DAAM2: variants seen among roughly 807,000 people sequenced by gnomAD.
DAAM2 encodes the protein dishevelled associated activator of morphogenesis 2.
DAAM2 carries 39 observed loss-of-function variants against 120.7 expected under a neutral mutation model. That is an observed-to-expected ratio of 0.32 (90% CI 0.25 to 0.42). The LOEUF (loss-of-function observed/expected upper bound fraction) is 0.42. Among genes scored for constraint, DAAM2 ranks in the 10% least tolerant of loss-of-function variants. The pLI, the probability that DAAM2 is intolerant of heterozygous loss-of-function variation, is 1.00. For missense variants in DAAM2, 1,283 were observed against 1,401.7 expected, an observed-to-expected ratio of 0.92 and a Z score of 1.35; for synonymous variants, 488 against 524.9, an observed-to-expected ratio of 0.93 and a Z score of 0.96.
intron 11 of DAAM2, among the ~76,000 whole-genome samples, chr6:39,876,175 T>G (rs1157478387): frequency 1.3e-5 from 2 of 152,250 alleles, no homozygotes; most frequent in Non-Finnish European, 2.9e-5. Flanking sequence ...GAGAAACATT[T>G]AAATCTACAT....
chr6:39,850,759 G>A (rs974798926), intron 1 of DAAM2, among the ~76,000 whole-genome samples: 2 of 152,172 alleles, frequency 1.3e-5, no homozygotes, highest in Admixed American at 6.5e-5. Context: ...TTCTCAGTAG[G>A]TACCTTGGAA....
At chr6:39,891,534 A>G in intron 18 of DAAM2, 87 bp downstream of exon 18, 2 of 1,505,118 alleles carry the variant, frequency 1.3e-6, no homozygotes, top group Non-Finnish European at 1.8e-6. Context: ...AAGGGGATGG[A>G]GGTGGGCAGG....
At chr6:39,868,246 C>A in intron 6 of DAAM2, 1 of 256,694 alleles carries the variant, frequency 3.9e-6, no homozygotes, top group South Asian at 5.9e-5. Flanking sequence ...TGGGCCAGTA[C>A]CTAATGTGGG....
intron 1 of DAAM2, among the ~76,000 whole-genome samples, chr6:39,841,925 C>A (rs1396175056): frequency 6.6e-6 from 1 of 152,090 alleles, no homozygotes; most frequent in African/African-American, 2.4e-5. Context: ...ATGCAAGATG[C>A]CTTTTGTTGA....
chr6:39,813,390 T>G (rs1234936441), intron 1 of DAAM2, among the ~76,000 whole-genome samples: 2 of 152,020 alleles, frequency 1.3e-5, no homozygotes, highest in African/African-American at 4.8e-5. Context: ...GGTAAATGAA[T>G]AGGAAATCTG....
intron 3 of DAAM2, 126 bp downstream of exon 3, chr6:39,861,143 G>A (rs769098732): frequency 2.1e-4 from 160 of 749,266 alleles, no homozygotes; most frequent in Non-Finnish European, 3.3e-4. Context: ...GGTGTTGGAG[G>A]AACAACAGTG....
intron 1 of DAAM2, among the ~76,000 whole-genome samples, chr6:39,828,232 T>C (rs1475171622): frequency 6.6e-6 from 1 of 152,170 alleles, no homozygotes; most frequent in African/African-American, 2.4e-5. Flanking sequence ...CAAAACAACA[T>C]TTCTCATGGT....
chr6:39,823,701 T>C (rs547908652), intron 1 of DAAM2, among the ~76,000 whole-genome samples: 1 of 152,324 alleles, frequency 6.6e-6, no homozygotes, highest in South Asian at 2.1e-4. Flanking sequence ...TGTACAGAAC[T>C]GTGCATGTGA....
At chr6:39,889,072 G>A (rs551200445) in intron 17 of DAAM2, 175 of 207,134 alleles carry the variant, frequency 8.4e-4, no homozygotes, top group Non-Finnish European at 1.3e-3. Flanking sequence ...AACACACAAA[G>A]AAACATCATC....
At chr6:39,824,503 T>A (rs4317402) in intron 1 of DAAM2, among the ~76,000 whole-genome samples, 50,741 of 152,128 alleles carry the variant, frequency 0.33, 9,670 homozygotes, top group African/African-American at 0.53. Flanking sequence ...CAAAGCAAGA[T>A]TTTTTTCTAG....
In DAAM2 at chr6:39,794,290, G is replaced by C. The variant is rs905699636; in HGVS notation, c.-57+1825G>C. Among the ~76,000 whole-genome samples the C allele has an allele frequency of 2.6e-5, 4 of 152,226 alleles. No homozygotes were observed. The South Asian group carries it at 8.3e-4, about 32-fold the overall frequency. On this transcript the variant is annotated intron_variant, in intron 1 of 24. Transcript: ENST00000274867. ...TGGCCTTAGACATGGGAGGATAAAT[G>C]GTCTATTTCTTCATCTGTGCTGGGA...
intron 1 of DAAM2, chr6:39,848,728 G>C (rs1278143277): frequency 6.6e-6 from 1 of 152,230 alleles, no homozygotes; most frequent in African/African-American, 2.4e-5. Flanking sequence ...ATCCTGGAAA[G>C]AGCGTGTGCT....
intron 1 of DAAM2, among the ~76,000 whole-genome samples, chr6:39,831,798 G>GGGGGCAGGTGCACTGA (rs1762909261): frequency 1.6e-5 from 1 of 62,858 alleles, no homozygotes; most frequent in Non-Finnish European, 3.0e-5. Flanking sequence ...GGTGCACTGG[G>GGGGGCAGGTGCACTGA]GGGGGGCAGG....
At chr6:39,836,838 A>G (rs1389090128) in intron 1 of DAAM2, among the ~76,000 whole-genome samples, 1 of 152,228 alleles carries the variant, frequency 6.6e-6, no homozygotes, top group East Asian at 1.9e-4. Context: ...ATAGAGGGCA[A>G]GATACTCAAG....
intron 1 of DAAM2, among the ~76,000 whole-genome samples, chr6:39,802,142 C>T (rs564942102): frequency 9.8e-5 from 15 of 152,328 alleles, no homozygotes; most frequent in African/African-American, 3.1e-4. Context: ...TTCCAAGACA[C>T]AAAGTCAATA....
intron 3 of DAAM2, 106 bp from the exon 4 acceptor site, chr6:39,864,327 C>A: frequency 1.2e-6 from 1 of 812,886 alleles, no homozygotes. Context: ...CCGACATGGG[C>A]AGAGCTGAGA....
At chr6:39,882,705 A>G (rs913225195) in intron 14 of DAAM2, among the ~76,000 whole-genome samples, 9 of 21,498 alleles carry the variant, frequency 4.2e-4, no homozygotes, top group African/African-American at 1.2e-3. Context: ...CTGTGAGCGC[A>G]CACACACACA....
At chr6:39,792,663 A>G (rs954670458) in intron 1 of DAAM2, among the ~76,000 whole-genome samples, 198 bp downstream of exon 1, 2 of 152,186 alleles carry the variant, frequency 1.3e-5, no homozygotes, top group African/African-American at 4.8e-5. Flanking sequence ...GTGGGCTCCC[A>G]GGGCCTGTGT....
chr6:39,886,931 A>T (rs371061514), intron 15 of DAAM2: 1 of 156,466 alleles, frequency 6.4e-6, no homozygotes, highest in African/African-American at 2.4e-5. Flanking sequence ...CTCAGAGGAG[A>T]GAGTTCTGCT....
Sources: gnomAD v4.1 joint callset for allele counts (sites outside exome capture counted in the v4.1 genomes callset) on GRCh38, gnomAD v4.1.1 for gene constraint, MANE v1.5 for transcripts, NCBI Gene and HGNC (gene_info 2026-07-23, HGNC 2026-07-21) for gene names.